Variants in ABCB10 observed in about 807,000 individuals in gnomAD.
The protein encoded by ABCB10 is ATP-binding cassette sub-family B member 10, mitochondrial.
ABCB10 carries 54 observed loss-of-function variants against 65.4 expected under a neutral mutation model. The observed-to-expected ratio is 0.83, with a 90% CI of 0.66 to 1.04. The LOEUF (loss-of-function observed/expected upper bound fraction) is 1.04. Ranked by LOEUF, ABCB10 falls within the 50% of genes least tolerant of loss-of-function variation. ABCB10 has a pLI of 0.00. For missense variants in ABCB10, 846 were observed against 976.6 expected (o/e 0.87, Z 1.78); for synonymous variants, 418 against 406.5 (o/e 1.03, Z -0.34).
Position 229,558,468 on chromosome 1 carries a change from ACGCCCCAGAGCAGCGCGGGCCCCG to A in ABCB10, c.161_184del (p.Ala54_Gly61del). On this transcript the variant is annotated inframe_deletion, in exon 1 of 13. Transcript: ENST00000344517. Reference sequence around the variant, plus strand: ...GCTCCTCCAGCGGCGCGCGGCTCCAACGCCCCAGAGCAGCGCGGGCCCCGCGCCCCATAGCCGCGCCGGCCTCAG... The same window carrying A: ...GCTCCTCCAGCGGCGCGCGGCTCCAACGCCCCATAGCCGCGCCGGCCTCAG... 2 of 1,235,346 alleles carry A rather than the reference ACGCCCCAGAGCAGCGCGGGCCCCG, an allele frequency of 1.6e-6. No homozygotes were observed. The highest frequency in any genetic ancestry group is 2.0e-6 in the Non-Finnish European group (2 of 992,356). 76.5% of individuals were successfully genotyped at this position (1,235,346 alleles called of 1,614,324 possible). A position where few individuals can be genotyped will look rare whatever the true frequency, so the allele number is the denominator to read the frequency against.
At chr1:229,555,457 G>A (rs577396782) in intron 1 of ABCB10, among the ~76,000 whole-genome samples, 2 of 152,382 alleles carry the variant, frequency 1.3e-5, no homozygotes, top group African/African-American at 4.8e-5. Context: ...TCCTTTAGAA[G>A]AGGAATGTAA....
chr1:229,554,837 T>G (rs1008850274), intron 1 of ABCB10, among the ~76,000 whole-genome samples: 5 of 152,194 alleles, frequency 3.3e-5, no homozygotes, highest in African/African-American at 4.8e-5. Context: ...CTTCAGGAAG[T>G]AGCTACTCTG....
At chr1:229,549,027 T>C (rs1663038030) in intron 2 of ABCB10, among the ~76,000 whole-genome samples, 1 of 152,074 alleles carries the variant, frequency 6.6e-6, no homozygotes, top group Non-Finnish European at 1.5e-5. Flanking sequence ...ACTTCAACTA[T>C]AAAAGAAGAG....
intron 7 of ABCB10, 61 bp downstream of exon 7, chr1:229,531,575 T>G (rs1169904440): frequency 6.7e-7 from 1 of 1,500,710 alleles, no homozygotes; most frequent in African/African-American, 1.4e-5. Flanking sequence ...GGGGAAGAGC[T>G]GGTCTCATTG....
At chr1:229,549,199 G>T (rs778861300) in intron 2 of ABCB10, 35 bp downstream of exon 2, 3 of 1,611,210 alleles carry the variant, frequency 1.9e-6, no homozygotes, top group Non-Finnish European at 2.5e-6. Context: ...ATCTTCTTCA[G>T]GATGACTCAC....
intron 1 of ABCB10, among the ~76,000 whole-genome samples, chr1:229,552,642 T>G (rs1663145226): frequency 6.6e-6 from 1 of 152,194 alleles, no homozygotes; most frequent in Non-Finnish European, 1.5e-5. Flanking sequence ...TGCCCACTGC[T>G]GAACAGGGCA....
At position 229,526,067 on chromosome 1, in the gene ABCB10, G is replaced by A; in HGVS notation, c.1775C>T (p.Ala592Val). The A allele has an allele frequency of 1.2e-6, 2 of 1,614,174 alleles. No individual in the cohort carries two copies. The highest frequency in any genetic ancestry group is 1.1e-5 in the South Asian group (1 of 91,086). The change falls in exon 10 of 13, where the codon GCT becomes GTT. Residue 592 changes from alanine to valine, a missense_variant. Ala to Val is a moderately conservative substitution (Grantham distance 64, BLOSUM62 0). This residue lies in a region of ABCB10 where 632 missense variants were observed against 803.2 expected (regional missense o/e 0.79). Transcript: ENST00000344517. ...CSIAENIAYG[A>V]DDPSSVTAEE... ...AGCGGTCACAGAGGAAGGGTCATCA[G>A]CACCATAAGCAATGTTCTCAGCAAT... is the stretch of plus-strand genomic sequence containing the variant.
At position 229,518,080 on chromosome 1, in the gene ABCB10, A is replaced by G. The variant is rs543773881; in HGVS notation, c.*99T>C. On this transcript the variant is annotated 3_prime_UTR_variant, in exon 13 of 13. Coordinates refer to ENST00000344517, the MANE Select transcript of ABCB10 (RefSeq NM_012089.3). ...GGAAAAAAATAGGTATTTTTCAAATAACTTGATATATGGTTTATGTATTTC... is the reference window on the plus strand; with the variant it reads ...GGAAAAAAATAGGTATTTTTCAAATGACTTGATATATGGTTTATGTATTTC... 1.2e-6 allele frequency: 1 copy of G among 848,536 alleles called. No individual in the cohort carries two copies. The highest frequency in any genetic ancestry group is 1.7e-5 in the African/African-American group (1 of 58,734). The allele number at this position is 848,536 out of a possible 1,614,324, so 52.6% of individuals were successfully genotyped here.
Position 229,558,186 on chromosome 1 carries a change from T to C in ABCB10, c.467A>G (p.Glu156Gly). Residue 156 changes from glutamate to glycine, a missense_variant, in exon 1 of 13, where the codon GAG becomes GGG. By Grantham distance (98) the Glu-to-Gly change is moderately conservative. Transcript: ENST00000344517. ...CGCCAGCCCCAGGAGCTTCCGGGCC[T>C]CCGGGAGTCCGGCCGCTGCGGGGCG... Reference protein sequence around the residue: ...RLRPAAAGLPEARKLLGLAYP... With the variant: ...RLRPAAAGLPGARKLLGLAYP... 1 of 1,429,438 alleles carries C rather than the reference T, an allele frequency of 7.0e-7. No homozygotes were observed. Among genetic ancestry groups the C allele is most frequent in the South Asian group, 1.4e-5 (1 of 72,726 alleles). The allele number at this position is 1,429,438 out of a possible 1,614,324, so 88.5% of individuals were successfully genotyped here.
chr1:229,533,063 T>A (rs1482880929), intron 6 of ABCB10, among the ~76,000 whole-genome samples: 1 of 152,152 alleles, frequency 6.6e-6, no homozygotes, highest in Non-Finnish European at 1.5e-5. Flanking sequence ...TGCCTTGGCC[T>A]CCCAAAGTGC....
intron 4 of ABCB10, 114 bp from the exon 5 acceptor site, chr1:229,540,866 G>GA (rs2102699376): frequency 8.0e-7 from 1 of 1,251,340 alleles, no homozygotes; most frequent in Admixed American, 2.8e-5. Flanking sequence ...GAAAAGAAAA[G>GA]AAATAGTGAT....
chr1:229,524,143 C>G (rs1662377182), intron 10 of ABCB10, among the ~76,000 whole-genome samples: 1 of 151,918 alleles, frequency 6.6e-6, no homozygotes, highest in South Asian at 2.1e-4. Context: ...ACCCTCTGCT[C>G]AAACAGAGAC....
At position 229,543,836 on chromosome 1, in the gene ABCB10, T is replaced by A. The variant is rs550101112; in HGVS notation, c.922-1465A>T. On this transcript the variant is annotated intron_variant, in intron 3 of 12. Coordinates refer to ENST00000344517, the MANE Select transcript of ABCB10 (RefSeq NM_012089.3). The stretch of plus-strand genomic sequence containing the variant: ...GTCCCACCCTGAGAAGACAAGTCCA[T>A]CAGGACACCTGGGGTGAGTCTTGGG... 1.4e-4 allele frequency among the ~76,000 whole-genome samples: 21 copies of A among 152,248 alleles called. No individual in the cohort carries two copies. In the South Asian group the frequency reaches 4.3e-3, roughly 32 times the overall value.
intron 1 of ABCB10, among the ~76,000 whole-genome samples, chr1:229,552,820 C>G (rs1017146002): frequency 8.5e-5 from 13 of 152,146 alleles, no homozygotes; most frequent in African/African-American, 3.1e-4. Flanking sequence ...ATCTCGAACA[C>G]AGAGAGAGGG....
At chr1:229,548,330 A>G (rs1178068589) in intron 2 of ABCB10, among the ~76,000 whole-genome samples, 5 of 152,148 alleles carry the variant, frequency 3.3e-5, no homozygotes. Flanking sequence ...ATTATTTACA[A>G]AGAAGTTTTA....
chr1:229,525,658 G>A (rs147967055), intron 10 of ABCB10, among the ~76,000 whole-genome samples: 25 of 152,272 alleles, frequency 1.6e-4, no homozygotes, highest in African/African-American at 5.8e-4. Context: ...GGCTAACACG[G>A]TGAAACCCTG....
chr1:229,525,915 C>T (rs1387804178), intron 10 of ABCB10, 21 bp downstream of exon 10: 1 of 1,589,658 alleles, frequency 6.3e-7, no homozygotes, highest in African/African-American at 1.4e-5. Flanking sequence ...GACTTTGCTA[C>T]AAAGCAGTAA....
rs1302529311 is a variant in ABCB10, at chr1:229,558,528, G to C, written c.125C>G (p.Pro42Arg). 2.8e-6 allele frequency: 4 copies of C among 1,431,308 alleles called. No homozygotes were observed. Among genetic ancestry groups the C allele is most frequent in the Non-Finnish European group, 3.7e-6 (4 of 1,092,236 alleles). The allele number at this position is 1,431,308 out of a possible 1,614,324, so 88.7% of individuals were successfully genotyped here. The change falls in exon 1 of 13, where the codon CCG becomes CGG. Residue 42 changes from proline (P) to arginine (R), a missense_variant. Coordinates refer to ENST00000344517, the MANE Select transcript of ABCB10 (RefSeq NM_012089.3). ...AASRVPGSLSPFTGLRPARLW... is the reference protein window; with the variant it reads ...AASRVPGSLSRFTGLRPARLW... The stretch of plus-strand genomic sequence containing the variant: ...CCGCGCCGGCCTCAGGCCAGTGAAC[G>C]GCGATAGGGACCCGGGAACGCGGCT...
chr1:229,527,669 C>A (rs1016541542), intron 8 of ABCB10, among the ~76,000 whole-genome samples: 1 of 152,144 alleles, frequency 6.6e-6, no homozygotes, highest in African/African-American at 2.4e-5. Context: ...AAGGGAGGGG[C>A]AAGCCATGAG....
Sources: allele counts gnomAD v4.1 joint callset (sites outside exome capture counted in the v4.1 genomes callset), GRCh38; gene constraint gnomAD v4.1.1; regional missense constraint gnomAD v4.1.1; transcripts MANE v1.5; gene names NCBI Gene and HGNC (gene_info 2026-07-23, HGNC 2026-07-21).